KLHL4: variants seen among roughly 807,000 people sequenced by gnomAD.
The protein encoded by KLHL4 is kelch-like protein 4.
Under a neutral mutation model 45.8 loss-of-function variants are expected in KLHL4, and 17 were observed. The ratio of observed to expected loss-of-function variants is 0.37; its 90% CI spans 0.25 to 0.56. The LOEUF (loss-of-function observed/expected upper bound fraction) is 0.56, where lower values mean the gene tolerates loss of function less well. Ranked by LOEUF, KLHL4 falls within the 20% of genes least tolerant of loss-of-function variation. The pLI is 0.79. For synonymous variants in KLHL4, 224 were observed against 189.9 expected, an observed-to-expected ratio of 1.18 and a Z score of -1.47; for missense variants, 544 against 544.9, an observed-to-expected ratio of 1.00 and a Z score of 0.02.
chrX:87,633,440 T>G (rs1226927977), intron 7 of KLHL4, among the ~76,000 whole-genome samples: 1 of 111,478 alleles, frequency 9.0e-6, no homozygotes, highest in Non-Finnish European at 1.9e-5. Flanking sequence ...TATTGAAATT[T>G]TGCCAGAAAA....
chrX:87,584,124 T>C (rs1203547803), intron 1 of KLHL4, among the ~76,000 whole-genome samples: 1 of 112,170 alleles, frequency 8.9e-6, no homozygotes, highest in Non-Finnish European at 1.9e-5. Flanking sequence ...AGTACCTCTA[T>C]GAATCTGAAA....
rs565770716 is a variant in KLHL4 at position 87,562,005 on chromosome X, T to C, written c.422+43690T>C. ...TGAATAAACATCAATGATAGCTAGG[T>C]AGTAATCACCATAGGACTTGGATGA... On this transcript the variant is annotated intron_variant, in intron 1 of 10. Coordinates refer to ENST00000373119, the MANE Select transcript of KLHL4 (RefSeq NM_019117.5). Among the ~76,000 whole-genome samples, 37 of 109,670 alleles carry C rather than the reference T, an allele frequency of 3.4e-4. No individual in the cohort carries two copies. The South Asian group carries it at 0.014, about 41-fold the overall frequency.
intron 9 of KLHL4, among the ~76,000 whole-genome samples, chrX:87,657,806 G>T (rs1436619120): frequency 8.9e-6 from 1 of 111,813 alleles, no homozygotes; most frequent in African/African-American, 3.3e-5. Flanking sequence ...GGTGGGTAAT[G>T]GGGTAAAATT....
At chrX:87,536,174 C>T (rs1224183505) in intron 1 of KLHL4, among the ~76,000 whole-genome samples, 2 of 111,347 alleles carry the variant, frequency 1.8e-5, no homozygotes, top group Non-Finnish European at 3.8e-5. Context: ...AATTTTGCAA[C>T]TTTGTTCAAG....
intron 9 of KLHL4, among the ~76,000 whole-genome samples, chrX:87,641,169 G>A (rs757461883): frequency 9.0e-6 from 1 of 111,604 alleles, no homozygotes; most frequent in Non-Finnish European, 1.9e-5. Context: ...CAGACCATCT[G>A]AAGAAAACTA....
At chrX:87,551,944 A>G (rs1396647132) in intron 1 of KLHL4, among the ~76,000 whole-genome samples, 1 of 111,993 alleles carries the variant, frequency 8.9e-6, no homozygotes, top group Non-Finnish European at 1.9e-5. Flanking sequence ...TGAAACTAAA[A>G]ATTCTAGAAG....
chrX:87,636,074 A>G (rs1191419864), intron 9 of KLHL4, among the ~76,000 whole-genome samples: 1 of 111,899 alleles, frequency 8.9e-6, no homozygotes, highest in Admixed American at 9.5e-5. Flanking sequence ...ACAACCAGAA[A>G]GTAGTCTTCC....
At chrX:87,569,432 T>G (rs576349254) in intron 1 of KLHL4, among the ~76,000 whole-genome samples, 41 of 111,211 alleles carry the variant, frequency 3.7e-4, no homozygotes, top group African/African-American at 1.2e-3. Flanking sequence ...AAGTCAAATA[T>G]ACAATTACCA....
chrX:87,546,087 C>T (rs1270692858), intron 1 of KLHL4, among the ~76,000 whole-genome samples: 17 of 111,760 alleles, frequency 1.5e-4, no homozygotes, highest in African/African-American at 5.2e-4. Context: ...AAAACAAAAC[C>T]TACTTGCTAG....
chrX:87,621,738 T>A (rs1281557421), intron 4 of KLHL4, among the ~76,000 whole-genome samples: 3 of 111,765 alleles, frequency 2.7e-5, no homozygotes, highest in African/African-American at 9.8e-5. Context: ...TTTTTTCTTA[T>A]CTCCAAGGAA....
intron 10 of KLHL4, among the ~76,000 whole-genome samples, chrX:87,665,496 C>A (rs758555916): frequency 9.0e-5 from 10 of 111,046 alleles, no homozygotes; most frequent in African/African-American, 1.3e-4. Context: ...AAGTGCTGGG[C>A]ATCTATTAGA....
At chrX:87,633,491 G>T (rs971858426) in intron 7 of KLHL4, among the ~76,000 whole-genome samples, 1 of 111,309 alleles carries the variant, frequency 9.0e-6, no homozygotes, top group Admixed American at 9.6e-5. Context: ...AATTTAAATG[G>T]TGCATTCTAC....
chrX:87,626,885 G>A (rs1269582984), intron 6 of KLHL4, among the ~76,000 whole-genome samples: 1 of 111,636 alleles, frequency 9.0e-6, no homozygotes, highest in Non-Finnish European at 1.9e-5. Flanking sequence ...GCGATAAAAA[G>A]AGAGCAAGAT....
chrX:87,525,804 C>A (rs1054175677), intron 1 of KLHL4, among the ~76,000 whole-genome samples: 2 of 111,626 alleles, frequency 1.8e-5, no homozygotes, highest in Non-Finnish European at 3.8e-5. Context: ...TTTATTGAAA[C>A]TATCAGCAGT....
In KLHL4 at chrX:87,664,910, A is replaced by T; in HGVS notation, c.2072A>T (p.Asp691Val). ...TATTTGAACACAGTTGAGTCATATG[A>T]TGCACAGAGAAATGAATGGAAAGAG... ...HTYLNTVESY[D>V]AQRNEWKEEV... Residue 691 changes from aspartate (D) to valine (V), a missense_variant, in exon 10 of 11, where the codon GAT becomes GTT. Coordinates refer to ENST00000373119, the MANE Select transcript of KLHL4 (RefSeq NM_019117.5). 8.5e-7 allele frequency: 1 copy of T among 1,170,587 alleles called. No homozygotes were observed. Among genetic ancestry groups the T allele is most frequent in the Non-Finnish European group, 1.2e-6 (1 of 865,684 alleles).
At chrX:87,618,868 C>T (rs1922653880) in intron 4 of KLHL4, among the ~76,000 whole-genome samples, 1 of 111,952 alleles carries the variant, frequency 8.9e-6, no homozygotes, top group Non-Finnish European at 1.9e-5. Context: ...AAATAACTTA[C>T]AGCTCAATTC....
chrX:87,524,536 A>G (rs139172476), intron 1 of KLHL4, among the ~76,000 whole-genome samples: 172 of 111,466 alleles, frequency 1.5e-3, no homozygotes, highest in African/African-American at 5.3e-3. Flanking sequence ...AACATCAGAG[A>G]AATTTACATA....
chrX:87,527,481 C>T (rs943908870), intron 1 of KLHL4, among the ~76,000 whole-genome samples: 20 of 111,258 alleles, frequency 1.8e-4, no homozygotes, highest in African/African-American at 4.3e-4. Flanking sequence ...ACCAAAGCCA[C>T]GCGACACTCT....
At chrX:87,644,725 G>A (rs940992094) in intron 9 of KLHL4, among the ~76,000 whole-genome samples, 1 of 111,482 alleles carries the variant, frequency 9.0e-6, no homozygotes, top group African/African-American at 3.3e-5. Flanking sequence ...CAGTGGAACA[G>A]AATAGAGAAC....
Sources: allele counts gnomAD v4.1 joint callset (sites outside exome capture counted in the v4.1 genomes callset), GRCh38; gene constraint gnomAD v4.1.1; transcripts MANE v1.5; gene names NCBI Gene and HGNC (gene_info 2026-07-23, HGNC 2026-07-21).